Variants in CEP126 observed in about 807,000 individuals in gnomAD.
CEP126 encodes centrosomal protein of 126 kDa.
In CEP126, 74 loss-of-function variants were observed where a neutral mutation model predicts 107.8. That is an observed-to-expected ratio of 0.69 (90% CI 0.57 to 0.83). The LOEUF is 0.83. CEP126 is among the 40% of genes least tolerant of loss of function. CEP126 has a pLI of 0.00. For missense variants in CEP126, 1,237 were observed against 1,281.9 expected (o/e 0.96, Z 0.53); for synonymous variants, 449 against 446.0 (o/e 1.01, Z -0.08).
chr11:101,947,382 T>TAG (rs1259088559), intron 3 of CEP126, among the ~76,000 whole-genome samples: 1 of 152,066 alleles, frequency 6.6e-6, no homozygotes, highest in Non-Finnish European at 1.5e-5. Flanking sequence ...AGACAATATT[T>TAG]AGAGAGAGAA....
intron 4 of CEP126, among the ~76,000 whole-genome samples, chr11:101,948,628 G>T (rs1001362177): frequency 6.6e-6 from 1 of 152,070 alleles, no homozygotes; most frequent in Admixed American, 6.6e-5. Context: ...TAATAGGATG[G>T]ACCAATCAAC....
intron 8 of CEP126, among the ~76,000 whole-genome samples, chr11:101,985,988 A>ATTTTTTTTTTTTTTTTTTTTTTT (rs773628925): frequency 7.9e-6 from 1 of 126,458 alleles, no homozygotes; most frequent in Non-Finnish European, 1.6e-5. Context: ...CTCTGAATTG[A>ATTTTTTTTTTTTTTTTTTTTTTT]TTTCTTTTTT....
chr11:101,930,583 G>A (rs1415448023), intron 2 of CEP126, among the ~76,000 whole-genome samples: 1 of 152,190 alleles, frequency 6.6e-6, no homozygotes, highest in Admixed American at 6.5e-5. Context: ...GGACCCCAAC[G>A]GGTTGCCCCT....
At chr11:101,925,419 T>G (rs1282487261) in intron 2 of CEP126, among the ~76,000 whole-genome samples, 1 of 152,030 alleles carries the variant, frequency 6.6e-6, no homozygotes, top group African/African-American at 2.4e-5. Context: ...CAACATTATG[T>G]CAGGAAAAGA....
chr11:101,957,698 A>C (rs2137107973), intron 4 of CEP126, among the ~76,000 whole-genome samples: 1 of 152,300 alleles, frequency 6.6e-6, no homozygotes, highest in Non-Finnish European at 1.5e-5. Flanking sequence ...CCTGACAAGC[A>C]ATTTTTATAT....
Position 101,940,251 on chromosome 11 carries a change from A to T in CEP126, c.249-4014A>T, listed in dbSNP as rs117837134. On this transcript the variant is annotated intron_variant, in intron 2 of 10. Coordinates refer to ENST00000263468, the MANE Select transcript of CEP126 (RefSeq NM_020802.4). The stretch of plus-strand genomic sequence containing the variant: ...ACTCTGAAACTGAATAATGCATGAC[A>T]TAGTGCTGTTTACTAGGAAGATTTT... Among the ~76,000 whole-genome samples, 3 of 152,380 alleles carry T rather than the reference A, an allele frequency of 2.0e-5. No individual in the cohort carries two copies. The East Asian group carries it at 5.8e-4, about 29-fold the overall frequency.
intron 9 of CEP126, among the ~76,000 whole-genome samples, chr11:101,987,783 C>T (rs1941332697): frequency 6.6e-6 from 1 of 151,916 alleles, no homozygotes; most frequent in Non-Finnish European, 1.5e-5. Context: ...TAATTTACAG[C>T]CCATACTCAC....
At position 101,963,471 on chromosome 11, in the gene CEP126, T is replaced by G. The variant is rs765790723; in HGVS notation, c.2436T>G (p.Ser812Arg). The change falls in exon 6 of 11, where the codon AGT becomes AGG. Residue 812 changes from serine (S) to arginine (R), a missense_variant. Physicochemically the swap from Ser to Arg is moderately radical, Grantham distance 110 (BLOSUM62 -1). Coordinates refer to ENST00000263468, the MANE Select transcript of CEP126 (RefSeq NM_020802.4). ...CTCAATCTACATCAAATATTAGAAG[T>G]GGTAAAAATATACAAGTGTCTCAGT... ...PPPQSTSNIRSGKNIQVSQCQ... is the reference protein window; with the variant it reads ...PPPQSTSNIRRGKNIQVSQCQ... 1.9e-6 allele frequency: 3 copies of G among 1,614,106 alleles called. No homozygotes were observed. Among genetic ancestry groups the G allele is most frequent in the Non-Finnish European group, 2.5e-6 (3 of 1,180,002 alleles).
Position 101,922,712 on chromosome 11 carries a change from G to A in CEP126, c.200G>A (p.Cys67Tyr). Residue 67 changes from cysteine (C) to tyrosine (Y), a missense_variant, in exon 2 of 11, where the codon TGT (cysteine) becomes TAT (tyrosine). Cys to Tyr is a radical substitution (Grantham distance 194, BLOSUM62 -2). Transcript: ENST00000263468. ...ATATTACTGCAGCAACAAAAAATATGTCGAAATCGAGCACGTAAATATTTT... is the reference window on the plus strand; with the variant it reads ...ATATTACTGCAGCAACAAAAAATATATCGAAATCGAGCACGTAAATATTTT... ...RQILLQQQKI[C>Y]RNRARKYFVE... 1 of 1,612,902 alleles carries A rather than the reference G, an allele frequency of 6.2e-7. No homozygotes were observed. Among genetic ancestry groups the A allele is most frequent in the Non-Finnish European group, 8.5e-7 (1 of 1,179,104 alleles).
At chr11:101,985,793 A>G (rs1177855891) in intron 8 of CEP126, among the ~76,000 whole-genome samples, 1 of 152,156 alleles carries the variant, frequency 6.6e-6, no homozygotes, top group East Asian at 1.9e-4. Flanking sequence ...CTTTAAATAA[A>G]CATGTTTTAT....
chr11:101,929,835 T>A (rs951837031), intron 2 of CEP126, among the ~76,000 whole-genome samples: 2 of 152,132 alleles, frequency 1.3e-5, no homozygotes, highest in Non-Finnish European at 2.9e-5. Context: ...CCATTCAGTC[T>A]TTTCTGGCTG....
chr11:101,989,069 C>T (rs546833339), intron 9 of CEP126, among the ~76,000 whole-genome samples: 1 of 151,918 alleles, frequency 6.6e-6, no homozygotes. Context: ...TGTATAAGAC[C>T]ATGAAACAAG....
chr11:101,990,193 G>T (rs1357046686), intron 9 of CEP126, among the ~76,000 whole-genome samples: 2 of 151,882 alleles, frequency 1.3e-5, no homozygotes, highest in Non-Finnish European at 2.9e-5. Flanking sequence ...CTTCTCCGTG[G>T]ATCTACACTG....
rs1260133581 is a variant in CEP126, at chr11:101,915,270, G to A, written c.-15G>A. On this transcript the variant is annotated 5_prime_UTR_variant, in exon 1 of 11. Transcript: ENST00000263468. ...GGTTCTGGGGGCGAGCAGACAGGCG[G>A]CGCTGAAGTGAAGGATGCTGGCGGG... 3 of 1,613,140 alleles carry A rather than the reference G, an allele frequency of 1.9e-6. No homozygotes were observed. The highest frequency in any genetic ancestry group is 8.5e-7 in the Non-Finnish European group (1 of 1,179,778).
chr11:101,967,603 C>T (rs1300032018), intron 6 of CEP126, among the ~76,000 whole-genome samples: 1 of 152,118 alleles, frequency 6.6e-6, no homozygotes, highest in Non-Finnish European at 1.5e-5. Flanking sequence ...CAAACATCCT[C>T]CCCAAATATC....
chr11:101,935,938 C>A (rs1455650266), intron 2 of CEP126, among the ~76,000 whole-genome samples: 2 of 152,048 alleles, frequency 1.3e-5, no homozygotes, highest in African/African-American at 2.4e-5. Flanking sequence ...GCAAAACTCT[C>A]CTCAGTTGGG....
intron 6 of CEP126, among the ~76,000 whole-genome samples, chr11:101,978,068 A>G (rs1941212968): frequency 6.6e-6 from 1 of 152,216 alleles, no homozygotes; most frequent in African/African-American, 2.4e-5. Context: ...GAAGCACACC[A>G]GTGGATTATC....
intron 2 of CEP126, among the ~76,000 whole-genome samples, chr11:101,927,390 CAGAG>C (rs374467183): frequency 4.5e-4 from 68 of 152,222 alleles, no homozygotes; most frequent in African/African-American, 1.6e-3. Context: ...AAAAATAAAA[CAGAG>C]AGATTCCATA....
intron 3 of CEP126, among the ~76,000 whole-genome samples, chr11:101,947,456 A>G (rs372606125): frequency 1.2e-4 from 18 of 152,240 alleles, no homozygotes; most frequent in South Asian, 8.3e-4. Flanking sequence ...GAAAGTGGAT[A>G]TATATAGGAC....
Sources: gnomAD v4.1 joint callset for allele counts (sites outside exome capture counted in the v4.1 genomes callset) on GRCh38, gnomAD v4.1.1 for gene constraint, MANE v1.5 for transcripts, NCBI Gene and HGNC (gene_info 2026-07-23, HGNC 2026-07-21) for gene names.